Variants in ANKHD1 observed in about 807,000 individuals in gnomAD.
ANKHD1 encodes ankyrin repeat and KH domain-containing protein 1.
Under a neutral mutation model 230.5 loss-of-function variants are expected in ANKHD1, and 31 were observed. That is an observed-to-expected ratio of 0.13 (90% CI 0.10 to 0.18). ANKHD1 has a LOEUF of 0.18. ANKHD1 is among the 10% of genes least tolerant of loss of function. The pLI, the probability that ANKHD1 is intolerant of heterozygous loss-of-function variation, is 1.00. For missense variants in ANKHD1, 2,256 were observed against 3,071.3 expected (o/e 0.73, Z 6.27); for synonymous variants, 1,074 against 1,117.6 (o/e 0.96, Z 0.78).
chr5:140,505,002 A>G, intron 16 of ANKHD1, 36 bp downstream of exon 16: 1 of 1,610,256 alleles, frequency 6.2e-7, no homozygotes, highest in Non-Finnish European at 8.5e-7. Flanking sequence ...TATTTTGCAC[A>G]TTCTGATCTT....
intron 11 of ANKHD1, among the ~76,000 whole-genome samples, chr5:140,483,709 C>T (rs908961247): frequency 5.3e-5 from 8 of 152,094 alleles, no homozygotes; most frequent in African/African-American, 9.7e-5. Flanking sequence ...CTGCCCGCCT[C>T]GGCCTCCCAA....
chr5:140,538,292 T>G (rs760077268), intron 32 of ANKHD1, 31 bp downstream of exon 32: 3 of 1,608,484 alleles, frequency 1.9e-6, no homozygotes, highest in Non-Finnish European at 2.5e-6. Context: ...GTAACTTGAT[T>G]GACACTTTGT....
At chr5:140,530,539 C>G (rs1316914860) in intron 29 of ANKHD1, among the ~76,000 whole-genome samples, 1 of 152,144 alleles carries the variant, frequency 6.6e-6, no homozygotes, top group African/African-American at 2.4e-5. Context: ...TGAAGAGACC[C>G]AGTCATTTAT....
At position 140,484,100 on chromosome 5, in the gene ANKHD1, G is replaced by A. The variant is rs550890497; in HGVS notation, c.1871-1021G>A. ...TGCTAATCTCAGGATGTTTATTGCT[G>A]CGTTTTACCTTTCCCAAAAGGTACT... is the stretch of plus-strand genomic sequence containing the variant. On this transcript the variant is annotated intron_variant, in intron 11 of 33. Transcript: ENST00000360839. Among the ~76,000 whole-genome samples, 12 of 152,274 alleles carry A rather than the reference G, an allele frequency of 7.9e-5. No individual in the cohort carries two copies. The South Asian group carries it at 2.5e-3, about 32-fold the overall frequency.
intron 7 of ANKHD1, 70 bp downstream of exon 7, chr5:140,449,375 G>A: frequency 6.6e-7 from 1 of 1,525,404 alleles, no homozygotes; most frequent in South Asian, 1.2e-5. Context: ...GCCTTTAAGA[G>A]TGATTAATTG....
chr5:140,538,117 G>A lies in ANKHD1; in HGVS notation c.7260G>A (p.Met2420Ile), dbSNP rs773574743. Residue 2420 changes from methionine (M) to isoleucine (I), a missense_variant, in exon 32 of 34, where the codon ATG (methionine) becomes ATA (isoleucine). Transcript: ENST00000360839. ...TATCAGGTTGGTCGCAATCTGTGAT[G>A]GGGAACCATCCAATGCATCAACAAT... ...EGLSGWSQSV[M>I]GNHPMHQQLS... is the part of the protein sequence containing the mutation. The A allele has an allele frequency of 1.2e-6, 2 of 1,613,304 alleles. No homozygotes were observed. Among genetic ancestry groups the A allele is most frequent in the African/African-American group, 1.3e-5 (1 of 74,846 alleles).
intron 1 of ANKHD1, among the ~76,000 whole-genome samples, chr5:140,416,489 A>G (rs1256741081): frequency 6.6e-6 from 1 of 152,164 alleles, no homozygotes; most frequent in Non-Finnish European, 1.5e-5. Context: ...ATCCTTGTCA[A>G]AAATCAATTG....
intron 1 of ANKHD1, among the ~76,000 whole-genome samples, chr5:140,419,776 T>TTCTTTCTTTCTC (rs1320052228): frequency 4.3e-4 from 6 of 13,844 alleles, no homozygotes; most frequent in South Asian, 2.6e-3. Context: ...TCCTTTCTTT[T>TTCTTTCTTTCTC]TCTTTCTTTC....
intron 1 of ANKHD1, among the ~76,000 whole-genome samples, chr5:140,429,281 A>G (rs1772831012): frequency 6.6e-6 from 1 of 151,254 alleles, no homozygotes; most frequent in Non-Finnish European, 1.5e-5. Context: ...TTTAGTAAAG[A>G]CGGGGTTTCA....
chr5:140,420,851 G>A (rs1771918043), intron 1 of ANKHD1, among the ~76,000 whole-genome samples: 1 of 152,122 alleles, frequency 6.6e-6, no homozygotes, highest in African/African-American at 2.4e-5. Flanking sequence ...TCTTGATGTG[G>A]TCTTTAGGAG....
Position 140,524,006 on chromosome 5 carries a change from T to C in ANKHD1, c.4318-60T>C, listed in dbSNP as rs1259532665. ...CCCTGTGTATCATAAAAATATCATT[T>C]CATTCTTTATTTTACATTACTGCCT... On this transcript the variant is annotated intron_variant, in intron 24 of 33. Transcript: ENST00000360839. 6.0e-6 allele frequency: 9 copies of C among 1,504,508 alleles called. No homozygotes were observed. The East Asian group carries it at 2.0e-4, about 33-fold the overall frequency. The allele number at this position is 1,504,508 out of a possible 1,614,324, so 93.2% of individuals were successfully genotyped here. A position where few individuals can be genotyped will look rare whatever the true frequency, so the allele number is the denominator to read the frequency against.
Position 140,527,375 on chromosome 5 carries a change from A to G in ANKHD1, c.5087+301A>G, listed in dbSNP as rs1753650789. 1 of 278,662 alleles carries G rather than the reference A, an allele frequency of 3.6e-6. No homozygotes were observed. Among genetic ancestry groups the G allele is most frequent in the Non-Finnish European group, 6.7e-6 (1 of 148,290 alleles). The allele number at this position is 278,662 out of a possible 1,614,324, so 17.3% of individuals were successfully genotyped here. On this transcript the variant is annotated intron_variant, in intron 27 of 33. Coordinates refer to ENST00000360839, the MANE Select transcript of ANKHD1 (RefSeq NM_017747.3). The surrounding 1 kb of genome is among the most constrained non-coding windows in gnomAD (Gnocchi z 4.5). ...CTCATGTCTCAGTAATTCTAGAACT[A>G]AAGTACTAATAATCAACTTTAGATT... is the stretch of plus-strand genomic sequence containing the variant.
chr5:140,487,066 T>C lies in ANKHD1; in HGVS notation c.2245+6T>C, dbSNP rs1281776537. On this transcript the variant is annotated splice_donor_region_variant and intron_variant, in intron 14 of 33. Coordinates refer to ENST00000360839, the MANE Select transcript of ANKHD1 (RefSeq NM_017747.3). Reference sequence around the variant, plus strand: ...CCTTTTAGGAGTGCAAAAAGGTTAGTTATTGAATTATTTTTCTTAAAATGG... The same window carrying C: ...CCTTTTAGGAGTGCAAAAAGGTTAGCTATTGAATTATTTTTCTTAAAATGG... The C allele has an allele frequency of 6.9e-6, 11 of 1,599,288 alleles. No homozygotes were observed. The highest frequency in any genetic ancestry group is 8.5e-7 in the Non-Finnish European group (1 of 1,175,216).
chr5:140,463,795 A>G (rs1257839485), intron 9 of ANKHD1, among the ~76,000 whole-genome samples: 1 of 152,032 alleles, frequency 6.6e-6, no homozygotes, highest in Non-Finnish European at 1.5e-5. Flanking sequence ...AGCTGGGACT[A>G]CAGGCATGTG....
intron 29 of ANKHD1, among the ~76,000 whole-genome samples, chr5:140,534,387 G>A (rs1360146604): frequency 2.7e-5 from 4 of 147,798 alleles, no homozygotes; most frequent in East Asian, 3.9e-4. Flanking sequence ...GCAAGACTCC[G>A]TCTCAAAAAA....
At chr5:140,522,420 C>G (rs1432311523) in intron 24 of ANKHD1, among the ~76,000 whole-genome samples, 1 of 152,164 alleles carries the variant, frequency 6.6e-6, no homozygotes, top group Non-Finnish European at 1.5e-5. Context: ...AAACAATGCT[C>G]AATGATTGTA....
At chr5:140,452,786 C>T (rs1774854066) in intron 7 of ANKHD1, among the ~76,000 whole-genome samples, 1 of 152,152 alleles carries the variant, frequency 6.6e-6, no homozygotes, top group South Asian at 2.1e-4. Context: ...AGGAGAAAAA[C>T]TGAAAATTCT....
chr5:140,470,705 C>G (rs563915307), intron 10 of ANKHD1, among the ~76,000 whole-genome samples: 2 of 149,774 alleles, frequency 1.3e-5, no homozygotes, highest in Non-Finnish European at 3.0e-5. Context: ...CTTAATACAG[C>G]CTTGACCTCT....
chr5:140,450,158 A>G (rs1297251574), intron 7 of ANKHD1, among the ~76,000 whole-genome samples: 1 of 152,242 alleles, frequency 6.6e-6, no homozygotes, highest in Non-Finnish European at 1.5e-5. Context: ...ATTACCTGGA[A>G]GTGCAAACGC....
Sources: allele counts gnomAD v4.1 joint callset (sites outside exome capture counted in the v4.1 genomes callset), GRCh38; gene constraint gnomAD v4.1.1; non-coding constraint Gnocchi (gnomAD v3.1); transcripts MANE v1.5; gene names NCBI Gene and HGNC (gene_info 2026-07-23, HGNC 2026-07-21).